MMS22L: variants seen among roughly 807,000 people sequenced by gnomAD.
MMS22L encodes MMS22 like, DNA repair protein, also known as protein MMS22-like.
Under a neutral mutation model 159.1 loss-of-function variants are expected in MMS22L, and 74 were observed. That is an observed-to-expected ratio of 0.47 (90% CI 0.39 to 0.56). The LOEUF (loss-of-function observed/expected upper bound fraction) is 0.56, where lower values mean the gene tolerates loss of function less well. Among genes scored for constraint, MMS22L ranks in the 20% least tolerant of loss-of-function variants. The probability of loss-of-function intolerance (pLI) is 0.00; values close to 1 mark genes in which losing one functional copy is unlikely to be tolerated. For missense variants in MMS22L, 1,351 were observed against 1,422.1 expected (o/e 0.95, Z 0.80); for synonymous variants, 517 against 506.9 (o/e 1.02, Z -0.27).
At chr6:97,256,441 C>T (rs1488793187) in intron 9 of MMS22L, among the ~76,000 whole-genome samples, 1 of 152,146 alleles carries the variant, frequency 6.6e-6, no homozygotes, top group Non-Finnish European at 1.5e-5. Flanking sequence ...TGTCAGAATT[C>T]CCATTTTGGC....
chr6:97,162,266 A>G, intron 21 of MMS22L, 101 bp from the exon 22 acceptor site: 1 of 870,872 alleles, frequency 1.1e-6, no homozygotes, highest in South Asian at 1.8e-5. Context: ...TACCCCCCAA[A>G]TTAATACAGT....
chr6:97,279,883 G>A (rs927761889), intron 3 of MMS22L, among the ~76,000 whole-genome samples: 3 of 151,818 alleles, frequency 2.0e-5, no homozygotes, highest in Non-Finnish European at 4.4e-5. Flanking sequence ...TACAATAGAA[G>A]TTCAAAAAAG....
At chr6:97,173,849 A>G (rs1183245307) in intron 18 of MMS22L, among the ~76,000 whole-genome samples, 1 of 152,154 alleles carries the variant, frequency 6.6e-6, no homozygotes, top group Admixed American at 6.5e-5. Context: ...CATGAGAAGA[A>G]GAGGAAAGGA....
rs967061022 is a variant in MMS22L, at chr6:97,225,214, A to G, written c.2039+3680T>C. ...TTCCAGTTAGGAGATTCAAGATAAGATGAAGTTGGTGAATGAATGTGAAAT... is the reference window on the plus strand; with the variant it reads ...TTCCAGTTAGGAGATTCAAGATAAGGTGAAGTTGGTGAATGAATGTGAAAT... On this transcript the variant is annotated intron_variant, in intron 14 of 24. Coordinates refer to ENST00000683635, the MANE Select transcript of MMS22L (RefSeq NM_001350599.2). Among the ~76,000 whole-genome samples the G allele has an allele frequency of 5.6e-4, 85 of 152,188 alleles. 3 individuals carry two copies.
chr6:97,147,801 T>G (rs1029238597), intron 24 of MMS22L, among the ~76,000 whole-genome samples: 2 of 152,256 alleles, frequency 1.3e-5, no homozygotes, highest in East Asian at 3.9e-4. Context: ...ACAAGGATGA[T>G]CTCTCCAGTC....
intron 13 of MMS22L, chr6:97,230,352 A>C (rs1582711446): frequency 7.0e-6 from 1 of 142,964 alleles, no homozygotes. Flanking sequence ...TGATACGCCC[A>C]CCTCAGCCTC....
At chr6:97,166,358 T>C (rs750201368) in intron 20 of MMS22L, among the ~76,000 whole-genome samples, 2 of 152,142 alleles carry the variant, frequency 1.3e-5, no homozygotes, top group Non-Finnish European at 2.9e-5. Context: ...TCACAACGTA[T>C]TTTCCAAGAG....
intron 7 of MMS22L, 152 bp from the exon 8 acceptor site, chr6:97,268,154 CATATGAGCACT>C: frequency 2.0e-6 from 1 of 488,752 alleles, no homozygotes. Flanking sequence ...ACAACCTTCT[CATATGAGCACT>C]GATAAACATT....
intron 14 of MMS22L, among the ~76,000 whole-genome samples, chr6:97,206,746 C>T (rs1050546508): frequency 2.0e-5 from 3 of 151,992 alleles, no homozygotes; most frequent in African/African-American, 4.8e-5. Flanking sequence ...CTAAACATGG[C>T]TAAAAGAGAC....
chr6:97,213,555 T>C (rs547857886), intron 14 of MMS22L, among the ~76,000 whole-genome samples: 4 of 152,312 alleles, frequency 2.6e-5, no homozygotes, highest in African/African-American at 9.6e-5. Flanking sequence ...AAAGTGTTCA[T>C]AGTGGCTCCC....
intron 6 of MMS22L, chr6:97,270,674 T>A (rs530615036): frequency 6.4e-6 from 1 of 156,570 alleles, no homozygotes; most frequent in African/African-American, 2.4e-5. Flanking sequence ...ACCTGCCTTA[T>A]TAGGTATACA....
intron 24 of MMS22L, among the ~76,000 whole-genome samples, chr6:97,149,205 C>T (rs944718401): frequency 6.6e-6 from 1 of 152,140 alleles, no homozygotes; most frequent in African/African-American, 2.4e-5. Context: ...TTAAGCAACA[C>T]ATAACTGTAT....
chr6:97,222,109 G>GA (rs1809720672), intron 14 of MMS22L, among the ~76,000 whole-genome samples: 1 of 151,938 alleles, frequency 6.6e-6, no homozygotes, highest in South Asian at 2.1e-4. Flanking sequence ...GCAATCCCCA[G>GA]TTCTCTTACA....
chr6:97,214,495 C>G (rs1051201780), intron 14 of MMS22L, among the ~76,000 whole-genome samples: 1 of 152,062 alleles, frequency 6.6e-6, no homozygotes, highest in African/African-American at 2.4e-5. Context: ...AAGAATACAA[C>G]AAAATATCAA....
At chr6:97,165,495 GTT>G in intron 20 of MMS22L, 38 bp from the exon 21 acceptor site, 2 of 1,533,330 alleles carry the variant, frequency 1.3e-6, no homozygotes, top group Middle Eastern at 3.4e-4. Context: ...AAGAGGTAAA[GTT>G]TCAAAGAACA....
Position 97,166,328 on chromosome 6 carries a change from T to C in MMS22L, c.3010-871A>G, listed in dbSNP as rs573482537. ...TACATTATATTATAAAAGTTAACTC[T>C]TAATTTGGTACTTGGTGACTCACAA... is the stretch of plus-strand genomic sequence containing the variant. On this transcript the variant is annotated intron_variant, in intron 20 of 24. Coordinates refer to ENST00000683635, the MANE Select transcript of MMS22L (RefSeq NM_001350599.2). Among the ~76,000 whole-genome samples the C allele has an allele frequency of 2.0e-4, 31 of 152,290 alleles. No homozygotes were observed. The South Asian group carries it at 5.8e-3, about 28-fold the overall frequency.
At chr6:97,252,470 C>G (rs1397909233) in intron 10 of MMS22L, among the ~76,000 whole-genome samples, 11 of 151,744 alleles carry the variant, frequency 7.2e-5, no homozygotes. Context: ...CATGGTGAAA[C>G]CCCATCTCTA....
chr6:97,264,820 T>C (rs1038210586), intron 8 of MMS22L: 7 of 151,758 alleles, frequency 4.6e-5, no homozygotes, highest in African/African-American at 1.7e-4. Context: ...ATAAAAATAC[T>C]TAGGGATAAA....
chr6:97,218,614 C>T (rs924154122), intron 14 of MMS22L, among the ~76,000 whole-genome samples: 6 of 151,926 alleles, frequency 3.9e-5, no homozygotes, highest in Admixed American at 6.6e-5. Context: ...AATATGTCTC[C>T]CCTTTAGAAA....
Sources: allele counts gnomAD v4.1 joint callset (sites outside exome capture counted in the v4.1 genomes callset), GRCh38; gene constraint gnomAD v4.1.1; transcripts MANE v1.5; gene names NCBI Gene and HGNC (gene_info 2026-07-23, HGNC 2026-07-21).